CPEB3: variants seen among roughly 807,000 people sequenced by gnomAD.
CPEB3 encodes the protein cytoplasmic polyadenylation element-binding protein 3.
In CPEB3, 20 loss-of-function variants were observed where a neutral mutation model predicts 67.2. The observed-to-expected ratio is 0.30, with a 90% CI of 0.21 to 0.43. The LOEUF is 0.43. Ranked by LOEUF, CPEB3 falls within the 20% of genes least tolerant of loss-of-function variation. The probability of loss-of-function intolerance (pLI) is 1.00; values close to 1 mark genes in which losing one functional copy is unlikely to be tolerated. For missense variants in CPEB3, 746 were observed against 968.6 expected (o/e 0.77, Z 3.05); for synonymous variants, 376 against 393.1 (o/e 0.96, Z 0.51).
chr10:92,095,637 T>C (rs1843836134), intron 7 of CPEB3, among the ~76,000 whole-genome samples: 2 of 148,052 alleles, frequency 1.4e-5, no homozygotes, highest in Non-Finnish European at 3.0e-5. Context: ...ATATTGCGTA[T>C]ATATATAATA....
intron 7 of CPEB3, among the ~76,000 whole-genome samples, chr10:92,097,368 T>A (rs1258215593): frequency 1.3e-5 from 2 of 152,196 alleles, no homozygotes; most frequent in Non-Finnish European, 2.9e-5. Context: ...CCACACAGCT[T>A]ACAGTGATGG....
intron 2 of CPEB3, among the ~76,000 whole-genome samples, chr10:92,201,163 A>C (rs571348302): frequency 6.6e-6 from 1 of 152,324 alleles, no homozygotes; most frequent in South Asian, 2.1e-4. Context: ...GGCAGAAATG[A>C]GGCCAACCCA....
intron 1 of CPEB3, among the ~76,000 whole-genome samples, chr10:92,271,526 T>C (rs762010850): frequency 3.3e-5 from 5 of 152,198 alleles, no homozygotes; most frequent in Non-Finnish European, 7.3e-5. Context: ...GGCCAGTTAT[T>C]TGGTAGAATG....
In CPEB3 at chr10:92,052,492, A is replaced by G. The variant is rs1315552883; in HGVS notation, c.1870-53T>C. On this transcript the variant is annotated intron_variant, in intron 9 of 9. Transcript: ENST00000265997. ...AAATGATTTAGCAAAGCTTCCTTAC[A>G]TGTCTTGCTTTTGAGAGTTTACACT... is the stretch of plus-strand genomic sequence containing the variant. 2.6e-6 allele frequency: 4 copies of G among 1,511,094 alleles called. No homozygotes were observed. In the East Asian group the frequency reaches 6.8e-5, roughly 26 times the overall value. The allele number at this position is 1,511,094 out of a possible 1,614,324, so 93.6% of individuals were successfully genotyped here.
At chr10:92,193,228 T>C (rs1590351107) in intron 2 of CPEB3, among the ~76,000 whole-genome samples, 1 of 151,978 alleles carries the variant, frequency 6.6e-6, no homozygotes, top group Admixed American at 6.6e-5. Flanking sequence ...AAAAGAACAA[T>C]GACTTGGTAA....
intron 7 of CPEB3, among the ~76,000 whole-genome samples, chr10:92,096,154 C>T (rs533895740): frequency 6.6e-6 from 1 of 151,404 alleles, no homozygotes; most frequent in African/African-American, 2.4e-5. Flanking sequence ...GGATTACAGG[C>T]GTGAGCCACC....
chr10:92,247,835 T>A (rs965118447), intron 1 of CPEB3, among the ~76,000 whole-genome samples: 2 of 152,060 alleles, frequency 1.3e-5, no homozygotes, highest in Non-Finnish European at 2.9e-5. Context: ...TTTCTGAAAT[T>A]TTATCTTGAG....
At chr10:92,117,996 T>C (rs1027887050) in intron 6 of CPEB3, among the ~76,000 whole-genome samples, 5 of 152,228 alleles carry the variant, frequency 3.3e-5, no homozygotes, top group Non-Finnish European at 5.9e-5. Flanking sequence ...AATCTGGAAT[T>C]AAACCAGATC....
chr10:92,053,530 A>AT (rs1367276934), intron 9 of CPEB3, among the ~76,000 whole-genome samples: 3 of 116,020 alleles, frequency 2.6e-5, no homozygotes, highest in Non-Finnish European at 5.4e-5. Context: ...CGCTCGGCTA[A>AT]TTTTTTTCTT....
intron 9 of CPEB3, among the ~76,000 whole-genome samples, chr10:92,070,717 C>G (rs558546314): frequency 3.3e-5 from 5 of 151,960 alleles, no homozygotes; most frequent in Non-Finnish European, 7.4e-5. Context: ...GTGGAGATTG[C>G]AGTGAGCCAA....
intron 1 of CPEB3, among the ~76,000 whole-genome samples, chr10:92,258,625 AATAT>A (rs56316802): frequency 0.02 from 647 of 32,410 alleles, 9 homozygotes; most frequent in East Asian, 0.11. Context: ...ATATTTTTTG[AATAT>A]ATATATATAT....
At chr10:92,216,379 G>C in intron 2 of CPEB3, 1 of 1,612,290 alleles carries the variant, frequency 6.2e-7, no homozygotes, top group Admixed American at 1.7e-5. Context: ...CTCAGGCGGA[G>C]GTGTGTTCCG....
intron 4 of CPEB3, among the ~76,000 whole-genome samples, chr10:92,161,108 G>A (rs1847452271): frequency 6.6e-6 from 1 of 152,146 alleles, no homozygotes. Flanking sequence ...TGGACTTCAA[G>A]GGATCTGCCC....
chr10:92,097,340 G>T (rs1471128436), intron 7 of CPEB3, among the ~76,000 whole-genome samples: 1 of 152,192 alleles, frequency 6.6e-6, no homozygotes, highest in Non-Finnish European at 1.5e-5. Flanking sequence ...ATGATCTTTG[G>T]CTTGAAGAGT....
At chr10:92,190,340 T>A (rs1377756339) in intron 3 of CPEB3, among the ~76,000 whole-genome samples, 1 of 151,400 alleles carries the variant, frequency 6.6e-6, no homozygotes, top group Non-Finnish European at 1.5e-5. Context: ...AAAATAGTGT[T>A]CCCCATGTTC....
At chr10:92,106,016 C>T (rs1844431445) in intron 7 of CPEB3, among the ~76,000 whole-genome samples, 1 of 151,994 alleles carries the variant, frequency 6.6e-6, no homozygotes, top group Non-Finnish European at 1.5e-5. Context: ...CCTCAACATC[C>T]CGAGTAGCTG....
intron 1 of CPEB3, among the ~76,000 whole-genome samples, chr10:92,252,955 G>A (rs1038664276): frequency 2.0e-5 from 3 of 151,628 alleles, no homozygotes; most frequent in Non-Finnish European, 4.4e-5. Context: ...ACAGGGTCTC[G>A]CTCTGTTGCC....
intron 7 of CPEB3, among the ~76,000 whole-genome samples, chr10:92,099,671 T>C (rs1353961902): frequency 6.9e-6 from 1 of 144,700 alleles, no homozygotes; most frequent in Admixed American, 7.0e-5. Context: ...CTAGCCAACA[T>C]GGTGAAACCC....
In CPEB3 at chr10:92,290,946, A is replaced by C. The variant is rs991742914; in HGVS notation, c.-32T>G. 1 of 158,834 alleles carries C rather than the reference A, an allele frequency of 6.3e-6. No individual in the cohort carries two copies. The highest frequency in any genetic ancestry group is 1.4e-5 in the Non-Finnish European group (1 of 71,912). The allele number at this position is 158,834 out of a possible 1,614,324, so 9.8% of individuals were successfully genotyped here. ...CTGACCTTGTTGCTACCGACAGTGG[A>C]GCGGCGCATCCTGCTGCTTCCTGGA... On this transcript the variant is annotated 5_prime_UTR_variant, in exon 1 of 10. Transcript: ENST00000265997.
Sources: allele counts gnomAD v4.1 joint callset (sites outside exome capture counted in the v4.1 genomes callset), GRCh38; gene constraint gnomAD v4.1.1; transcripts MANE v1.5; gene names NCBI Gene and HGNC (gene_info 2026-07-23, HGNC 2026-07-21).